The following DMD variants were observed in gnomAD, a reference collection of about 807,000 sequenced individuals.
DMD encodes the protein mutant dystrophin.
Under a neutral mutation model 330.1 loss-of-function variants are expected in DMD, and 63 were observed. The ratio of observed to expected loss-of-function variants is 0.19; its 90% confidence interval spans 0.16 to 0.24. The LOEUF is 0.24. DMD is among the 10% of genes least tolerant of loss of function. The pLI is 1.00. For missense variants in DMD, 3,344 were observed against 2,684.1 expected (o/e 1.25, Z -5.43); for synonymous variants, 1,223 against 959.8 (o/e 1.27, Z -5.07).
At chrX:32,226,812 G>C (rs1271165695) in intron 43 of DMD, among the ~76,000 whole-genome samples, 1 of 111,000 alleles carries the variant, frequency 9.0e-6, no homozygotes, top group Non-Finnish European at 1.9e-5. Flanking sequence ...TATTAATACA[G>C]TTAGTAATCT....
chrX:31,956,952 G>T, intron 45 of DMD, among the ~76,000 whole-genome samples: 1 of 112,117 alleles, frequency 8.9e-6, no homozygotes, highest in Non-Finnish European at 1.9e-5. Context: ...GAATTATAAG[G>T]CACTATCTAG....
At chrX:32,265,375 G>C (rs73460075) in intron 43 of DMD, among the ~76,000 whole-genome samples, 5,261 of 112,524 alleles carry the variant, frequency 0.047, 322 homozygotes, top group African/African-American at 0.16. Context: ...CTAGATTTCA[G>C]AGGATATATG....
chrX:33,154,253 C>G, intron 1 of DMD, among the ~76,000 whole-genome samples: 1 of 110,680 alleles, frequency 9.0e-6, no homozygotes, highest in South Asian at 3.9e-4. Flanking sequence ...AAAAATTAGC[C>G]AGGCGTGGTG....
Position 33,331,068 on chromosome X carries a change from G to A in DMD, c.7+8191C>T, listed in dbSNP as rs747715537. 7.1e-5 allele frequency among the ~76,000 whole-genome samples: 8 copies of A among 112,264 alleles called. No individual in the cohort carries two copies. In the East Asian group the frequency reaches 2.2e-3, roughly 32 times the overall value. On this transcript the variant is annotated intron_variant, in intron 1 of 17. Coordinates refer to the DMD transcript ENST00000288447. ...TCATCTTGCTCTAGCACAGAGCCTG[G>A]CAGTTAGAATTTATCAATAAATATT... is the stretch of plus-strand genomic sequence containing the variant.
chrX:31,659,639 GAAAAAAAAA>G (rs869195395), intron 53 of DMD, among the ~76,000 whole-genome samples: 7 of 39,982 alleles, frequency 1.8e-4, no homozygotes, highest in African/African-American at 3.7e-4. Context: ...CTCCATCTCG[GAAAAAAAAA>G]AAAAAAAAAA....
chrX:32,205,253 A>G (rs1260466446), intron 44 of DMD, among the ~76,000 whole-genome samples: 2 of 101,207 alleles, frequency 2.0e-5, no homozygotes, highest in African/African-American at 7.6e-5. Context: ...AAAATAAAAA[A>G]TGTCCTCAGC....
At chrX:32,580,989 GCT>G (rs1352531555) in intron 13 of DMD, among the ~76,000 whole-genome samples, 1 of 110,508 alleles carries the variant, frequency 9.0e-6, no homozygotes, top group Non-Finnish European at 1.9e-5. Context: ...ACCACACCTG[GCT>G]CTTTTTTGTA....
rs1448590525 is a variant in DMD, at chrX:31,875,216, G to T, written c.7070C>A (p.Pro2357Gln). 10 of 1,202,109 alleles carry T rather than the reference G, an allele frequency of 8.3e-6. No individual in the cohort carries two copies. Among genetic ancestry groups the T allele is most frequent in the Non-Finnish European group, 1.0e-5 (9 of 890,132 alleles). ...AACGTCAAATGGTCCTTCTTGGTTT[G>T]GTTGGTTATAAATTTCCAACTGATT... ...IRNQLEIYNQ[P>Q]NQEGPFDVKE... Residue 2357 changes from proline to glutamine, a missense_variant, in exon 48 of 79, where the codon CCA becomes CAA. By Grantham distance (76) the Pro-to-Gln change is moderately conservative (BLOSUM62 -1). Coordinates refer to ENST00000357033, the MANE Select transcript of DMD (RefSeq NM_004006.3).
At chrX:32,175,291 G>A (rs759623397) in intron 44 of DMD, among the ~76,000 whole-genome samples, 4 of 109,913 alleles carry the variant, frequency 3.6e-5, no homozygotes, top group African/African-American at 1.3e-4. Context: ...ATTGTAAAAC[G>A]CACCAATCAG....
intron 1 of DMD, among the ~76,000 whole-genome samples, chrX:33,338,023 G>T (rs757103606): frequency 8.9e-6 from 1 of 112,079 alleles, no homozygotes; most frequent in East Asian, 2.8e-4. Context: ...AGAGCCGAAA[G>T]ATTCTGTATT....
Position 33,102,314 on chromosome X carries a change from T to C in DMD, c.32-82114A>G, listed in dbSNP as rs750426574. Among the ~76,000 whole-genome samples, 185 of 41,766 alleles carry C rather than the reference T, an allele frequency of 4.4e-3. 1 individual carries two copies. Among genetic ancestry groups the C allele is most frequent in the African/African-American group, 0.01 (174 of 17,158 alleles). 36.3% of individuals were successfully genotyped at this position (41,766 alleles called of 115,157 possible). On this transcript the variant is annotated intron_variant, in intron 1 of 78. Transcript: ENST00000357033. ...TATTACCCCAGAAGGCTGGTTTTTT[T>C]TGTTTTTTTTTTTTTTTAAGTATTC...
At position 31,743,400 on chromosome X, in the gene DMD, C is replaced by A. The variant is rs1391598235; in HGVS notation, c.7543-13652G>T. ...ACTAAAAAACCACATGTATTCTCAT[C>A]CTCATTTCAGCACTATTCACAATAG... On this transcript the variant is annotated intron_variant, in intron 51 of 78. Coordinates refer to ENST00000357033, the MANE Select transcript of DMD (RefSeq NM_004006.3). 2.7e-5 allele frequency among the ~76,000 whole-genome samples: 3 copies of A among 112,409 alleles called. No homozygotes were observed. In the Admixed American group the frequency reaches 2.8e-4, roughly 11 times the overall value.
rs757944582 is a variant in DMD at position 32,162,738 on chromosome X, CT to C, written c.6438+54177del. On this transcript the variant is annotated intron_variant, in intron 44 of 78. Coordinates refer to ENST00000357033, the MANE Select transcript of DMD (RefSeq NM_004006.3). ...GGCATGTGCCACAACGCCCAGCTAACTTTTTTTTTTTTTGTATTTTTAGTAG... is the reference window on the plus strand; with the variant it reads ...GGCATGTGCCACAACGCCCAGCTAACTTTTTTTTTTTTGTATTTTTAGTAG... Among the ~76,000 whole-genome samples the C allele has an allele frequency of 9.9e-3, 975 of 98,592 alleles. 4 individuals are homozygous for C. The highest frequency in any genetic ancestry group is 0.017 in the African/African-American group (453 of 27,411). The allele number at this position is 98,592 out of a possible 115,157, so 85.6% of individuals were successfully genotyped here.
At chrX:32,618,833 A>G (rs757528825) in intron 11 of DMD, among the ~76,000 whole-genome samples, 12 of 111,687 alleles carry the variant, frequency 1.1e-4, no homozygotes, top group African/African-American at 3.9e-4. Flanking sequence ...TACTAATTAA[A>G]AAAAAGAAAA....
intron 60 of DMD, among the ~76,000 whole-genome samples, chrX:31,442,295 A>C (rs1034596293): frequency 9.0e-6 from 1 of 111,644 alleles, no homozygotes; most frequent in African/African-American, 3.3e-5. Flanking sequence ...TAAAGCTGAG[A>C]GAGGTTAAAT....
chrX:32,563,975 T>C (rs1002270438), intron 16 of DMD, among the ~76,000 whole-genome samples: 1 of 111,792 alleles, frequency 8.9e-6, no homozygotes, highest in African/African-American at 3.3e-5. Context: ...TTAAGCCCAG[T>C]ATCCAATAGT....
rs769731272 is a variant in DMD at position 31,574,138 on chromosome X, T to G, written c.8217+53535A>C. Among the ~76,000 whole-genome samples the G allele has an allele frequency of 8.6e-3, 825 of 96,211 alleles. 5 individuals are homozygous for G. Among genetic ancestry groups the G allele is most frequent in the South Asian group, 0.023 (49 of 2,122 alleles). The allele number at this position is 96,211 out of a possible 115,157, so 83.5% of individuals were successfully genotyped here. A position where few individuals can be genotyped will look rare whatever the true frequency, so the allele number is the denominator to read the frequency against. On this transcript the variant is annotated intron_variant, in intron 55 of 78. Transcript: ENST00000357033. ...AGTGCAAAGGATGATCTGTTTGTTT[T>G]TTTTTTTGTTTTTTTTTTTTTTTGA...
intron 60 of DMD, among the ~76,000 whole-genome samples, chrX:31,374,258 G>A (rs1256504370): frequency 3.2e-5 from 3 of 93,128 alleles, no homozygotes; most frequent in African/African-American, 1.3e-4. Flanking sequence ...GTGGAAGTCA[G>A]TGTGGCGATT....
chrX:32,694,592 G>C (rs1002785290), intron 9 of DMD, among the ~76,000 whole-genome samples: 1 of 112,303 alleles, frequency 8.9e-6, no homozygotes, highest in Non-Finnish European at 1.9e-5. Context: ...TGCTATGCTA[G>C]AGGATCATGA....
Sources: allele counts gnomAD v4.1 joint callset (sites outside exome capture counted in the v4.1 genomes callset), GRCh38; gene constraint gnomAD v4.1.1; transcripts MANE v1.5; gene names NCBI Gene and HGNC (gene_info 2026-07-23, HGNC 2026-07-21).